Variants in CACNB2 observed in about 807,000 individuals in gnomAD.
CACNB2 encodes the protein voltage-dependent L-type calcium channel subunit beta-2.
A neutral mutation model predicts 73.3 loss-of-function variants in CACNB2; 42 were observed. The observed-to-expected ratio is 0.57, with a 90% CI of 0.45 to 0.74. The LOEUF (loss-of-function observed/expected upper bound fraction) is 0.74, where lower values mean the gene tolerates loss of function less well. Among genes scored for constraint, CACNB2 ranks in the 30% least tolerant of loss-of-function variants. The probability of loss-of-function intolerance (pLI) is 0.00; values close to 1 mark genes in which losing one functional copy is unlikely to be tolerated. For missense variants in CACNB2, 940 were observed against 853.0 expected, an observed-to-expected ratio of 1.10 and a Z score of -1.27; for synonymous variants, 348 against 310.3, an observed-to-expected ratio of 1.12 and a Z score of -1.28.
chr10:18,140,874 C>T lies in CACNB2; in HGVS notation c.120+18C>T. ...CCGCACAGGTAGCGAGAGCGCGGCG[C>T]CTTCTCCTTCCTTTGTGAGCCGCCG... On this transcript the variant is annotated intron_variant, in intron 1 of 13. Coordinates refer to ENST00000324631, the MANE Select transcript of CACNB2 (RefSeq NM_201596.3). 6 of 1,582,050 alleles carry T rather than the reference C, an allele frequency of 3.8e-6. No homozygotes were observed. The highest frequency in any genetic ancestry group is 5.1e-6 in the Non-Finnish European group (6 of 1,166,286).
chr10:18,263,049 G>A (rs1241002507), intron 2 of CACNB2, among the ~76,000 whole-genome samples: 1 of 152,202 alleles, frequency 6.6e-6, no homozygotes, highest in South Asian at 2.1e-4. Context: ...CATACCCTTG[G>A]TCACTAGAAA....
chr10:18,310,331 C>T (rs988770900), intron 2 of CACNB2, among the ~76,000 whole-genome samples: 1 of 151,880 alleles, frequency 6.6e-6, no homozygotes, highest in Non-Finnish European at 1.5e-5. Flanking sequence ...TTAGGCTGGG[C>T]GTGGTGGCTC....
At chr10:18,180,983 A>T (rs568701874) in intron 2 of CACNB2, among the ~76,000 whole-genome samples, 3 of 151,978 alleles carry the variant, frequency 2.0e-5, no homozygotes, top group South Asian at 2.1e-4. Flanking sequence ...AAAACAAAAC[A>T]AAACAAAAAA....
chr10:18,300,046 AGTTT>A, intron 2 of CACNB2, among the ~76,000 whole-genome samples: 1 of 150,078 alleles, frequency 6.7e-6, no homozygotes, highest in South Asian at 2.1e-4. Flanking sequence ...TTTGAGACGG[AGTTT>A]CACTCTTCTT....
At chr10:18,209,729 A>G (rs779883024) in intron 2 of CACNB2, among the ~76,000 whole-genome samples, 1 of 152,048 alleles carries the variant, frequency 6.6e-6, no homozygotes, top group Non-Finnish European at 1.5e-5. Flanking sequence ...GCACCATAAT[A>G]TGGTCTTTTT....
rs572139039 is a variant in CACNB2 at position 18,351,386 on chromosome 10, G to A, written c.214-50538G>A. ...TTGGACTGTGCTAGAGATCTTTTCTGATTCTGCAATATACTACGTATTCAG... is the reference window on the plus strand; with the variant it reads ...TTGGACTGTGCTAGAGATCTTTTCTAATTCTGCAATATACTACGTATTCAG... On this transcript the variant is annotated intron_variant, in intron 2 of 13. Transcript: ENST00000324631. Among the ~76,000 whole-genome samples, 3 of 152,276 alleles carry A rather than the reference G, an allele frequency of 2.0e-5. No homozygotes were observed. The South Asian group carries it at 6.2e-4, about 32-fold the overall frequency.
At chr10:18,372,262 A>G (rs1186048507) in intron 2 of CACNB2, among the ~76,000 whole-genome samples, 1 of 152,042 alleles carries the variant, frequency 6.6e-6, no homozygotes, top group Non-Finnish European at 1.5e-5. Flanking sequence ...GGTGTTTTAG[A>G]CATGAAGTCC....
chr10:18,359,145 C>T lies in CACNB2; in HGVS notation c.214-42779C>T, dbSNP rs11013819. Among the ~76,000 whole-genome samples the T allele has an allele frequency of 7.7e-3, 1,169 of 151,778 alleles. 20 individuals carry two copies. Among genetic ancestry groups the T allele is most frequent in the African/African-American group, 0.027 (1,102 of 41,340 alleles). ...TTTTAACTTCTACGTTATTTAGGGA[C>T]CTATTTTGCAGACATAACCTTAAAC... On this transcript the variant is annotated intron_variant, in intron 2 of 13. Coordinates refer to ENST00000324631, the MANE Select transcript of CACNB2 (RefSeq NM_201596.3).
At chr10:18,215,692 T>C (rs1376773747) in intron 2 of CACNB2, among the ~76,000 whole-genome samples, 1 of 152,212 alleles carries the variant, frequency 6.6e-6, no homozygotes, top group African/African-American at 2.4e-5. Flanking sequence ...GTATTTTATT[T>C]GTGCTTTTTG....
At chr10:18,487,708 G>A (rs962140783) in intron 3 of CACNB2, among the ~76,000 whole-genome samples, 2 of 152,088 alleles carry the variant, frequency 1.3e-5, no homozygotes, top group African/African-American at 2.4e-5. Flanking sequence ...GTTGGCGGGC[G>A]CCTATAGTCC....
intron 2 of CACNB2, among the ~76,000 whole-genome samples, chr10:18,365,066 G>T (rs1049683096): frequency 1.3e-5 from 2 of 152,198 alleles, no homozygotes; most frequent in African/African-American, 4.8e-5. Context: ...GATGAAAGCA[G>T]ATGTCTAGAG....
intron 2 of CACNB2, among the ~76,000 whole-genome samples, chr10:18,383,840 G>T (rs1360183518): frequency 6.6e-6 from 1 of 152,104 alleles, no homozygotes; most frequent in Non-Finnish European, 1.5e-5. Context: ...AGAGTAGCTA[G>T]GATTACAGGC....
At chr10:18,140,892 A>G (rs2130979434) in intron 1 of CACNB2, 36 bp downstream of exon 1, 1 of 1,568,984 alleles carries the variant, frequency 6.4e-7, no homozygotes, top group South Asian at 1.2e-5. Flanking sequence ...TTCCTTTGTG[A>G]GCCGCCGGGC....
At chr10:18,261,880 T>C (rs1225220985) in intron 2 of CACNB2, 15 of 513,872 alleles carry the variant, frequency 2.9e-5, no homozygotes, top group South Asian at 2.1e-4. Flanking sequence ...GCAAAATGGC[T>C]GTCTGAGTAT....
intron 2 of CACNB2, among the ~76,000 whole-genome samples, chr10:18,334,386 G>A (rs75405946): frequency 0.036 from 5,456 of 152,118 alleles, 168 homozygotes; most frequent in Admixed American, 0.092. Flanking sequence ...GAGACCCACG[G>A]GGGTCTGGTT....
rs140050889 is a variant in CACNB2, at chr10:18,389,426, A to G, written c.214-12498A>G. Among the ~76,000 whole-genome samples, 462 of 152,334 alleles carry G rather than the reference A, an allele frequency of 3.0e-3. 4 individuals are homozygous for G. Among genetic ancestry groups the G allele is most frequent in the African/African-American group, 0.011 (438 of 41,590 alleles). ...AGTGCTGGGATTACAGGCATGAGTCACTGTGCCTTGCCTCTGTTATTTGTT... is the reference window on the plus strand; with the variant it reads ...AGTGCTGGGATTACAGGCATGAGTCGCTGTGCCTTGCCTCTGTTATTTGTT... On this transcript the variant is annotated intron_variant, in intron 2 of 13. Transcript: ENST00000324631.
chr10:18,500,935 A>T lies in CACNB2; in HGVS notation c.580A>T (p.Lys194Ter), dbSNP rs1554832233. ...LQHEQRAKQGKFYSSKSGGNS... is the reference protein window; with the variant it reads ...LQHEQRAKQG ...GCATGAACAGAGAGCCAAGCAAGGG[A>T]AATTCTACTCCAGGTATGAGACAGA... is the stretch of plus-strand genomic sequence containing the variant. The change falls in exon 5 of 14, where the codon AAA (lysine) becomes TAA (stop). Residue 194 changes from lysine (K) to a stop codon, truncating the protein, a stop_gained. Transcript: ENST00000324631. LOFTEE classifies it high-confidence loss of function. 6.2e-7 allele frequency: 1 copy of T among 1,614,062 alleles called. No homozygotes were observed. Among genetic ancestry groups the T allele is most frequent in the Non-Finnish European group, 8.5e-7 (1 of 1,179,980 alleles).
chr10:18,259,661 G>A (rs1001560911), intron 2 of CACNB2, among the ~76,000 whole-genome samples: 12 of 150,942 alleles, frequency 8.0e-5, no homozygotes, highest in African/African-American at 2.7e-4. Context: ...AGCCCTGGAG[G>A]TGGAGGTTGC....
At chr10:18,451,451 A>C (rs749883154) in intron 3 of CACNB2, among the ~76,000 whole-genome samples, 1 of 152,206 alleles carries the variant, frequency 6.6e-6, no homozygotes, top group Non-Finnish European at 1.5e-5. Context: ...TCATGAAGAC[A>C]CATCACATCT....
Sources: allele counts gnomAD v4.1 joint callset (sites outside exome capture counted in the v4.1 genomes callset), GRCh38; gene constraint gnomAD v4.1.1; transcripts MANE v1.5; gene names NCBI Gene and HGNC (gene_info 2026-07-23, HGNC 2026-07-21).